The following OTOA variants were observed in gnomAD, a reference collection of about 807,000 sequenced individuals.
OTOA encodes otoancorin.
A neutral mutation model predicts 110.8 loss-of-function variants in OTOA; 70 were observed. That is an observed-to-expected ratio of 0.63 (90% CI 0.52 to 0.77). The LOEUF is 0.77. OTOA is among the 30% of genes least tolerant of loss of function. The probability of loss-of-function intolerance (pLI) is 0.00; values close to 1 mark genes in which losing one functional copy is unlikely to be tolerated. For missense variants in OTOA, 917 were observed against 1,075.8 expected, an observed-to-expected ratio of 0.85 and a Z score of 2.06; for synonymous variants, 373 against 431.5, an observed-to-expected ratio of 0.86 and a Z score of 1.68.
chr16:21,721,232 T>TACACAC (rs35961471), intron 17 of OTOA: 3,987 of 372,052 alleles, frequency 0.011, 40 homozygotes, highest in Admixed American at 0.036. Flanking sequence ...ACATAATTAT[T>TACACAC]ACACACACAC....
chr16:21,724,624 T>G (rs1188723838), intron 18 of OTOA, among the ~76,000 whole-genome samples: 4 of 152,132 alleles, frequency 2.6e-5, no homozygotes, highest in African/African-American at 9.7e-5. Context: ...GAAGATTATT[T>G]CAGTAACCCA....
At chr16:21,681,955 G>A in intron 6 of OTOA, 130 bp downstream of exon 6, 2 of 838,360 alleles carry the variant, frequency 2.4e-6, no homozygotes, top group Non-Finnish European at 3.9e-6. Context: ...AAAGGGTTCT[G>A]TCCAGTTTTT....
intron 28 of OTOA, among the ~76,000 whole-genome samples, chr16:21,759,175 C>G (rs1286950402): frequency 6.6e-6 from 1 of 152,048 alleles, no homozygotes; most frequent in Non-Finnish European, 1.5e-5. Flanking sequence ...TCTTTTCCTC[C>G]AGCCCCTGTC....
At chr16:21,670,210 A>G (rs746069612) in intron 1 of OTOA, among the ~76,000 whole-genome samples, 1 of 151,858 alleles carries the variant, frequency 6.6e-6, no homozygotes, top group African/African-American at 2.4e-5. Flanking sequence ...CCCTCCAAGT[A>G]AAAGTCAGAG....
At chr16:21,723,681 G>A (rs1159313975) in intron 18 of OTOA, among the ~76,000 whole-genome samples, 1 of 152,124 alleles carries the variant, frequency 6.6e-6, no homozygotes, top group Non-Finnish European at 1.5e-5. Context: ...CAGGTAACTG[G>A]AAAGTTCAGA....
chr16:21,723,079 C>G, intron 18 of OTOA, 101 bp downstream of exon 18: 3 of 1,240,364 alleles, frequency 2.4e-6, no homozygotes, highest in Non-Finnish European at 3.5e-6. Flanking sequence ...CTTCAGGAAC[C>G]AGAGGCAGAG....
At chr16:21,667,649 G>A (rs1245679171) in intron 1 of OTOA, among the ~76,000 whole-genome samples, 1 of 151,802 alleles carries the variant, frequency 6.6e-6, no homozygotes, top group African/African-American at 2.4e-5. Flanking sequence ...AGAAGGGCTG[G>A]CAAGCTTTTT....
chr16:21,714,498 CTCTTTCTT>C (rs3054131), intron 13 of OTOA, among the ~76,000 whole-genome samples: 13 of 120,754 alleles, frequency 1.1e-4, no homozygotes, highest in African/African-American at 1.7e-4. Context: ...CTCTCTCTCT[CTCTTTCTT>C]TCTTTCTTTC....
At chr16:21,703,225 A>G (rs750659362) in intron 11 of OTOA, among the ~76,000 whole-genome samples, 4 of 152,082 alleles carry the variant, frequency 2.6e-5, no homozygotes, top group Admixed American at 2.0e-4. Context: ...TTCCTATTTA[A>G]CTGAAACATT....
intron 9 of OTOA, among the ~76,000 whole-genome samples, chr16:21,695,891 A>ATTTTTTTTTTTTTTTTTTT (rs386384450): frequency 1.4e-4 from 6 of 41,894 alleles, no homozygotes; most frequent in Non-Finnish European, 1.9e-4. Flanking sequence ...ATATATATAT[A>ATTTTTTTTTTTTTTTTTTT]TTTTTTTTTT....
chr16:21,700,797 T>C (rs1898037362), intron 10 of OTOA, 91 bp from the exon 11 acceptor site: 5 of 1,490,724 alleles, frequency 3.4e-6, no homozygotes, highest in Non-Finnish European at 4.7e-6. Flanking sequence ...CAAGTGTCCA[T>C]GATGGGGCAC....
intron 13 of OTOA, among the ~76,000 whole-genome samples, chr16:21,714,245 T>C (rs372786270): frequency 1.0e-4 from 9 of 90,214 alleles, no homozygotes; most frequent in African/African-American, 4.3e-4. Context: ...CTTTCCTTTC[T>C]TTCTTTTTTC....
Position 21,734,754 on chromosome 16 carries a change from G to A in OTOA, c.2302-1507G>A, listed in dbSNP as rs537314167. Among the ~76,000 whole-genome samples, 12 of 152,018 alleles carry A rather than the reference G, an allele frequency of 7.9e-5. No individual in the cohort carries two copies. The South Asian group carries it at 1.2e-3, about 16-fold the overall frequency. On this transcript the variant is annotated intron_variant, in intron 21 of 28. Coordinates refer to ENST00000646100, the MANE Select transcript of OTOA (RefSeq NM_144672.4). Reference sequence around the variant, plus strand: ...CGGGAGGCTGAGGTAGGAGAACGGCGTGAACCCAGGGGGCAGAGCTTGCAG... The same window carrying A: ...CGGGAGGCTGAGGTAGGAGAACGGCATGAACCCAGGGGGCAGAGCTTGCAG...
intron 12 of OTOA, among the ~76,000 whole-genome samples, chr16:21,708,755 GAAATGA>G (rs1898270304): frequency 6.6e-6 from 1 of 152,150 alleles, no homozygotes; most frequent in Non-Finnish European, 1.5e-5. Context: ...GCACCTGCCT[GAAATGA>G]CTACGTTATT....
chr16:21,732,427 C>T (rs201685703), intron 21 of OTOA, among the ~76,000 whole-genome samples: 21,150 of 151,460 alleles, frequency 0.14, 2,015 homozygotes, highest in South Asian at 0.28. Flanking sequence ...GATTTTGGTG[C>T]ACCCATCACC....
At position 21,710,072 on chromosome 16, in the gene OTOA, T is replaced by C. The variant is rs1465207618; in HGVS notation, c.1289T>C (p.Ile430Thr). 4 of 1,613,838 alleles carry C rather than the reference T, an allele frequency of 2.5e-6. No homozygotes were observed. The Admixed American group carries it at 5.0e-5, about 20-fold the overall frequency. ...GGTTGGGCCAAGAGCCAGGTCATCA[T>C]CTTGTCTGCCAAATACTTGGCCCAT... is the stretch of plus-strand genomic sequence containing the variant. ...VSGWAKSQVI[I>T]LSAKYLAHEK... Residue 430 changes from isoleucine (I) to threonine (T), a missense_variant, in exon 13 of 29, where the codon ATC (isoleucine) becomes ACC (threonine). Transcript: ENST00000646100.
chr16:21,721,275 AC>A (rs1392293607), intron 17 of OTOA: 14 of 448,638 alleles, frequency 3.1e-5, no homozygotes, highest in African/African-American at 6.1e-5. Context: ...ACACACACAC[AC>A]ACAAACAACC....
intron 10 of OTOA, among the ~76,000 whole-genome samples, chr16:21,699,467 C>T (rs1276953162): frequency 6.6e-6 from 1 of 152,024 alleles, no homozygotes; most frequent in Non-Finnish European, 1.5e-5. Flanking sequence ...GAAACCTCAT[C>T]TCTACAAAAA....
At chr16:21,697,037 C>CTTTT (rs56124254) in intron 9 of OTOA, among the ~76,000 whole-genome samples, 2,398 of 65,148 alleles carry the variant, frequency 0.037, 9 homozygotes, top group Non-Finnish European at 0.042. Context: ...CTACAGCTGG[C>CTTTT]TTTTTTTTTT....
Sources: gnomAD v4.1 joint callset for allele counts (sites outside exome capture counted in the v4.1 genomes callset) on GRCh38, gnomAD v4.1.1 for gene constraint, MANE v1.5 for transcripts, NCBI Gene and HGNC (gene_info 2026-07-23, HGNC 2026-07-21) for gene names.